Variants in CEP89 observed in about 807,000 individuals in gnomAD.
CEP89 encodes the protein centrosomal protein 89.
CEP89 carries 95 observed loss-of-function variants against 97.6 expected under a neutral mutation model. The observed-to-expected ratio is 0.97, with a 90% CI of 0.82 to 1.15. CEP89 has a LOEUF of 1.15. Among genes scored for constraint, CEP89 ranks in the 50% most tolerant of loss-of-function variants. The pLI is 0.00. For missense variants in CEP89, 869 were observed against 947.7 expected (o/e 0.92, Z 1.09); for synonymous variants, 354 against 349.1 (o/e 1.01, Z -0.16).
intron 5 of CEP89, among the ~76,000 whole-genome samples, chr19:32,945,148 G>A (rs1341348838): frequency 1.3e-5 from 2 of 152,128 alleles, no homozygotes; most frequent in South Asian, 4.1e-4. Flanking sequence ...GCCAGGTGTG[G>A]TGGTGCATGC....
chr19:32,910,264 T>TCA (rs1046876215), intron 14 of CEP89, among the ~76,000 whole-genome samples: 2 of 81,302 alleles, frequency 2.5e-5, no homozygotes, highest in Non-Finnish European at 5.2e-5. Context: ...AGACTCTGCC[T>TCA]CAGAGAGAGA....
chr19:32,952,320 A>G (rs75320655), intron 4 of CEP89, among the ~76,000 whole-genome samples: 1 of 34,940 alleles, frequency 2.9e-5, no homozygotes, highest in African/African-American at 8.0e-5. Flanking sequence ...GGCCCTATAG[A>G]AAAAAAAAAA....
At chr19:32,948,754 C>T (rs1438181919) in intron 4 of CEP89, among the ~76,000 whole-genome samples, 2 of 152,196 alleles carry the variant, frequency 1.3e-5, no homozygotes, top group African/African-American at 4.8e-5. Context: ...GAGACAGGGT[C>T]TCCTCTGTCA....
intron 6 of CEP89, among the ~76,000 whole-genome samples, chr19:32,938,002 ATTTT>A (rs35418144): frequency 1.1e-4 from 13 of 119,258 alleles, no homozygotes; most frequent in South Asian, 2.9e-4. Context: ...ATCACACCTA[ATTTT>A]TTTTTTTTTT....
chr19:32,914,018 T>C (rs750976999), intron 14 of CEP89, among the ~76,000 whole-genome samples: 24 of 152,144 alleles, frequency 1.6e-4, no homozygotes, highest in Non-Finnish European at 2.8e-4. Context: ...TTAAAATATA[T>C]TGTGGCCAGG....
chr19:32,943,946 G>T (rs1199579028), intron 5 of CEP89, among the ~76,000 whole-genome samples: 1 of 151,764 alleles, frequency 6.6e-6, no homozygotes, highest in African/African-American at 2.4e-5. Flanking sequence ...GATGGCTCTG[G>T]GCCAGATGAG....
At chr19:32,918,817 AC>A (rs1237074874) in intron 12 of CEP89, among the ~76,000 whole-genome samples, 1 of 152,036 alleles carries the variant, frequency 6.6e-6, no homozygotes, top group Non-Finnish European at 1.5e-5. Context: ...AAACAAAAAA[AC>A]AAAAAAAACT....
At chr19:32,929,195 G>C (rs1267104901) in intron 9 of CEP89, among the ~76,000 whole-genome samples, 1 of 152,148 alleles carries the variant, frequency 6.6e-6, no homozygotes, top group Non-Finnish European at 1.5e-5. Context: ...CTATGACCTA[G>C]TAACAGAAAT....
At chr19:32,948,916 C>G (rs1218247273) in intron 4 of CEP89, among the ~76,000 whole-genome samples, 1 of 151,954 alleles carries the variant, frequency 6.6e-6, no homozygotes, top group Non-Finnish European at 1.5e-5. Flanking sequence ...TTTGTAGAGA[C>G]AAGGTCTCCT....
chr19:32,969,292 G>C (rs1238249905), intron 1 of CEP89: 2 of 152,436 alleles, frequency 1.3e-5, no homozygotes, highest in Non-Finnish European at 2.9e-5. Flanking sequence ...GCTGAGCCCA[G>C]GGTTTTTATG....
chr19:32,928,119 T>C (rs1970401218), intron 9 of CEP89, among the ~76,000 whole-genome samples: 1 of 151,944 alleles, frequency 6.6e-6, no homozygotes, highest in Non-Finnish European at 1.5e-5. Context: ...TTTCACCATA[T>C]TGGCCAGGCT....
chr19:32,971,461 C>A, intron 1 of CEP89: 1 of 531,250 alleles, frequency 1.9e-6, no homozygotes, highest in South Asian at 3.0e-5. Flanking sequence ...CTCAAGACCA[C>A]CATAGGAACA....
At chr19:32,896,486 C>T (rs1179265280) in intron 16 of CEP89, among the ~76,000 whole-genome samples, 1 of 152,100 alleles carries the variant, frequency 6.6e-6, no homozygotes, top group East Asian at 1.9e-4. Context: ...GGTTTAAAGA[C>T]TTAAATCTAA....
intron 1 of CEP89, among the ~76,000 whole-genome samples, chr19:32,966,922 G>A (rs1292294298): frequency 6.6e-6 from 1 of 152,090 alleles, no homozygotes; most frequent in African/African-American, 2.4e-5. Flanking sequence ...ATAGCTCACC[G>A]CAGCCTCAAA....
chr19:32,966,454 G>A lies in CEP89; in HGVS notation c.52C>T (p.His18Tyr). ...ACGCTGGCTGCAGGTAAAAGGCCAT[G>A]GATGATGTGTTTCTGCACAAATGAA... is the stretch of plus-strand genomic sequence containing the variant. The part of the protein sequence containing the change: ...GRRSHFKHII[H>Y]GLLPAASVAP... Residue 18 changes from histidine to tyrosine, a missense_variant, in exon 2 of 19, where the codon CAT (histidine) becomes TAT (tyrosine). By Grantham distance (83) the His-to-Tyr change is moderately conservative (BLOSUM62 2). Coordinates refer to ENST00000305768, the MANE Select transcript of CEP89 (RefSeq NM_032816.5). 1 of 1,543,904 alleles carries A rather than the reference G, an allele frequency of 6.5e-7. No homozygotes were observed.
chr19:32,944,122 GA>G (rs1280442500), intron 5 of CEP89, among the ~76,000 whole-genome samples: 1 of 151,408 alleles, frequency 6.6e-6, no homozygotes, highest in Non-Finnish European at 1.5e-5. Context: ...AGCTATTCAG[GA>G]GGCTGAGGTG....
intron 14 of CEP89, among the ~76,000 whole-genome samples, chr19:32,909,159 A>C (rs1278747048): frequency 6.6e-6 from 1 of 152,240 alleles, no homozygotes; most frequent in Non-Finnish European, 1.5e-5. Context: ...CTTACTCAAG[A>C]TGAAGGTGGG....
At chr19:32,920,376 G>A (rs1970223082) in intron 12 of CEP89, among the ~76,000 whole-genome samples, 1 of 152,104 alleles carries the variant, frequency 6.6e-6, no homozygotes, top group Non-Finnish European at 1.5e-5. Context: ...CACTAAGCCT[G>A]AGCCATTTCT....
At position 32,881,884 on chromosome 19, in the gene CEP89, C is replaced by T. The variant is rs763143277; in HGVS notation, c.2095G>A (p.Asp699Asn). The change falls in exon 18 of 19, where the codon GAC becomes AAC. Residue 699 changes from aspartate to asparagine, a missense_variant. Coordinates refer to ENST00000305768, the MANE Select transcript of CEP89 (RefSeq NM_032816.5). ...GCCTGGTCCAGCACCTCCTGCTTGT[C>T]CTTCAGCACCTGGTGCAGGTGCCGC... ...EMRHLHQVLK[D>N]KQEVLDQALQ... is the part of the protein sequence containing the mutation. The T allele has an allele frequency of 3.1e-6, 5 of 1,606,242 alleles. No individual in the cohort carries two copies. In the African/African-American group the frequency reaches 6.7e-5, roughly 21 times the overall value.
Sources: allele counts gnomAD v4.1 joint callset (sites outside exome capture counted in the v4.1 genomes callset), GRCh38; gene constraint gnomAD v4.1.1; transcripts MANE v1.5; gene names NCBI Gene and HGNC (gene_info 2026-07-23, HGNC 2026-07-21).